Variants in C4orf50 observed in about 807,000 individuals in gnomAD.
C4orf50 encodes uncharacterized protein C4orf50.
A neutral mutation model predicts 77.2 loss-of-function variants in C4orf50; 80 were observed. That is an observed-to-expected ratio of 1.04 (90% confidence interval 0.87 to 1.25). The LOEUF (loss-of-function observed/expected upper bound fraction) is 1.25, where lower values mean the gene tolerates loss of function less well. C4orf50 is among the 50% of genes most tolerant of loss of function. C4orf50 has a pLI of 0.00. For synonymous variants in C4orf50, 532 were observed against 465.3 expected, an observed-to-expected ratio of 1.14 and a Z score of -1.84; for missense variants, 1,257 against 1,152.9, an observed-to-expected ratio of 1.09 and a Z score of -1.31.
intron 7 of C4orf50, among the ~76,000 whole-genome samples, chr4:5,912,145 A>T (rs1716834294): frequency 2.0e-5 from 3 of 152,192 alleles, no homozygotes; most frequent in Non-Finnish European, 4.4e-5. Flanking sequence ...TCCGTGGTGT[A>T]AACACTCCTA....
chr4:5,960,467 G>T (rs1013819021), intron 33 of C4orf50, among the ~76,000 whole-genome samples: 24 of 152,226 alleles, frequency 1.6e-4, no homozygotes, highest in Non-Finnish European at 2.8e-4. Context: ...AAGAGCAGCC[G>T]CAGGTTTGCA....
chr4:5,898,120 C>G (rs945179871), exon 8 of C4orf50: 8 of 152,222 alleles, frequency 5.3e-5, no homozygotes, highest in African/African-American at 1.9e-4. Flanking sequence ...TCACAGCTTT[C>G]ATGTGATTTC....
chr4:6,002,307 T>G (rs1329483963), intron 25 of C4orf50, among the ~76,000 whole-genome samples: 1 of 152,196 alleles, frequency 6.6e-6, no homozygotes, highest in African/African-American at 2.4e-5. Context: ...AGGAGCAGAC[T>G]GTCCCCTAGA....
intron 7 of C4orf50, among the ~76,000 whole-genome samples, chr4:5,947,199 A>G (rs1331515228): frequency 1.3e-5 from 2 of 152,158 alleles, no homozygotes; most frequent in Admixed American, 6.5e-5. Flanking sequence ...CATTCATGAG[A>G]TGAGGAAGCT....
At chr4:5,978,936 T>C (rs1720426037) in intron 29 of C4orf50, among the ~76,000 whole-genome samples, 1 of 152,220 alleles carries the variant, frequency 6.6e-6, no homozygotes, top group Non-Finnish European at 1.5e-5. Flanking sequence ...AAACTCTACA[T>C]ATAACATGCT....
At chr4:5,960,187 C>T (rs1009962835) in intron 33 of C4orf50, among the ~76,000 whole-genome samples, 1 of 152,186 alleles carries the variant, frequency 6.6e-6, no homozygotes, top group Admixed American at 6.5e-5. Flanking sequence ...GAAGTGGCTT[C>T]GACTTCAAAG....
chr4:5,943,893 A>C (rs1718374998), intron 7 of C4orf50, among the ~76,000 whole-genome samples: 1 of 152,194 alleles, frequency 6.6e-6, no homozygotes. Context: ...AACCCCCTAC[A>C]GCTATCTAGA....
chr4:5,913,110 C>T (rs1391090880), intron 7 of C4orf50, among the ~76,000 whole-genome samples: 1 of 152,210 alleles, frequency 6.6e-6, no homozygotes, highest in Non-Finnish European at 1.5e-5. Flanking sequence ...ATTAATACAA[C>T]CAGCTTTGGA....
chr4:5,967,821 T>A (rs1315987119), intron 31 of C4orf50, among the ~76,000 whole-genome samples: 1 of 152,236 alleles, frequency 6.6e-6, no homozygotes, highest in African/African-American at 2.4e-5. Flanking sequence ...GGGCCCCTGA[T>A]TCAATCACCC....
intron 7 of C4orf50, among the ~76,000 whole-genome samples, chr4:5,906,454 G>A (rs910360485): frequency 1.2e-4 from 18 of 152,144 alleles, no homozygotes; most frequent in Non-Finnish European, 2.4e-4. Flanking sequence ...CGTGAGTAGC[G>A]GAGAGAGTGG....
Position 5,925,783 on chromosome 4 carries a change from G to A in C4orf50, c.*2475-27595C>T, listed in dbSNP as rs538629782. On this transcript the variant is annotated intron_variant, in intron 7 of 7. Coordinates refer to the C4orf50 transcript ENST00000324058. Reference sequence around the variant, plus strand: ...TTTGGGAGCGAGGACCAGGGTTGGGGAAGCACTGAGCCAGGCCTGGGACCC... The same window carrying A: ...TTTGGGAGCGAGGACCAGGGTTGGGAAAGCACTGAGCCAGGCCTGGGACCC... Among the ~76,000 whole-genome samples the A allele has an allele frequency of 2.8e-4, 42 of 152,366 alleles. No homozygotes were observed. In the East Asian group the frequency reaches 4.5e-3, roughly 16 times the overall value.
chr4:5,951,042 G>A (rs1304276830), intron 7 of C4orf50, among the ~76,000 whole-genome samples: 1 of 152,188 alleles, frequency 6.6e-6, no homozygotes, highest in Non-Finnish European at 1.5e-5. Context: ...CCCCAAAGCA[G>A]CATGTGCTTT....
chr4:5,947,194 A>G (rs1718518522), intron 7 of C4orf50, among the ~76,000 whole-genome samples: 1 of 152,172 alleles, frequency 6.6e-6, no homozygotes. Context: ...GACCCCATTC[A>G]TGAGATGAGG....
At chr4:5,947,950 C>G (rs1233742823) in intron 7 of C4orf50, among the ~76,000 whole-genome samples, 2 of 152,230 alleles carry the variant, frequency 1.3e-5, no homozygotes, top group South Asian at 4.1e-4. Flanking sequence ...GGCACCTCTT[C>G]CAGGCACTCC....
At chr4:5,984,089 G>C (rs1720738366) in intron 28 of C4orf50, among the ~76,000 whole-genome samples, 2 of 152,220 alleles carry the variant, frequency 1.3e-5, no homozygotes, top group Admixed American at 1.3e-4. Flanking sequence ...CATGCCCTAA[G>C]AGCAAGGGCC....
chr4:5,998,402 G>A (rs1289204637), intron 25 of C4orf50, among the ~76,000 whole-genome samples: 1 of 152,110 alleles, frequency 6.6e-6, no homozygotes, highest in Non-Finnish European at 1.5e-5. Flanking sequence ...CTTGCTGCTG[G>A]AGAGAGAAAC....
At chr4:5,937,536 T>C (rs1718079805) in intron 7 of C4orf50, among the ~76,000 whole-genome samples, 1 of 152,218 alleles carries the variant, frequency 6.6e-6, no homozygotes, top group Non-Finnish European at 1.5e-5. Context: ...GACGGATAAA[T>C]ATACATATAT....
chr4:6,010,312 T>C (rs1426050514), intron 24 of C4orf50, among the ~76,000 whole-genome samples: 2 of 152,140 alleles, frequency 1.3e-5, no homozygotes, highest in African/African-American at 2.4e-5. Flanking sequence ...TGAAGTTCAG[T>C]ATAAAGGGGA....
chr4:6,010,164 A>T (rs562923423), intron 24 of C4orf50, among the ~76,000 whole-genome samples: 24 of 152,238 alleles, frequency 1.6e-4, no homozygotes, highest in African/African-American at 5.5e-4. Context: ...AGTATTTGTG[A>T]CAATATTTTC....
Sources: gnomAD v4.1 joint callset for allele counts (sites outside exome capture counted in the v4.1 genomes callset) on GRCh38, gnomAD v4.1.1 for gene constraint, MANE v1.5 for transcripts, NCBI Gene and HGNC (gene_info 2026-07-23, HGNC 2026-07-21) for gene names.